CHRM5: variants seen among roughly 807,000 people sequenced by gnomAD.
The protein encoded by CHRM5 is muscarinic acetylcholine receptor M5.
Under a neutral mutation model 39.0 loss-of-function variants are expected in CHRM5, and 18 were observed. The observed-to-expected ratio is 0.46, with a 90% CI of 0.32 to 0.68. The LOEUF is 0.68. Among genes scored for constraint, CHRM5 ranks in the 30% least tolerant of loss-of-function variants. The pLI is 0.04. For synonymous variants in CHRM5, 241 were observed against 246.3 expected, an observed-to-expected ratio of 0.98 and a Z score of 0.20; for missense variants, 515 against 651.1, an observed-to-expected ratio of 0.79 and a Z score of 2.28.
rs748657230 is a variant in CHRM5, at chr15:33,987,102, T to A, written c.-408+17952T>A. 3.9e-4 allele frequency among the ~76,000 whole-genome samples: 60 copies of A among 152,226 alleles called. 1 individual carries two copies. The highest frequency in any genetic ancestry group is 4.7e-4 in the Non-Finnish European group (32 of 68,038). On this transcript the variant is annotated intron_variant, in intron 1 of 2. Coordinates refer to ENST00000383263, the MANE Select transcript of CHRM5 (RefSeq NM_012125.4). ...TTAAACAGTATATATTCATAATTCA[T>A]TAGCATTAATTCCATTCTCAGGTCA...
intron 1 of CHRM5, among the ~76,000 whole-genome samples, chr15:34,002,267 A>G (rs1272790937): frequency 6.6e-6 from 1 of 152,232 alleles, no homozygotes; most frequent in African/African-American, 2.4e-5. Context: ...GATACTAATC[A>G]GTGTCAGCAT....
intron 2 of CHRM5, among the ~76,000 whole-genome samples, chr15:34,047,147 G>A (rs1443847679): frequency 6.6e-6 from 1 of 150,938 alleles, no homozygotes; most frequent in African/African-American, 2.4e-5. Context: ...ACACGATCTC[G>A]GCTCACTGCA....
chr15:33,980,365 T>G (rs1388594734), intron 1 of CHRM5, among the ~76,000 whole-genome samples: 1 of 152,200 alleles, frequency 6.6e-6, no homozygotes, highest in African/African-American at 2.4e-5. Context: ...TGCAACAGCC[T>G]GCTCTAACGT....
chr15:34,025,741 TTTTGG>T (rs1439868260), intron 1 of CHRM5, among the ~76,000 whole-genome samples: 16 of 152,258 alleles, frequency 1.1e-4, no homozygotes, highest in African/African-American at 3.6e-4. Flanking sequence ...TGTGTTTTTG[TTTTGG>T]TTTGGTTTTG....
At chr15:33,987,312 A>G (rs1896520639) in intron 1 of CHRM5, among the ~76,000 whole-genome samples, 1 of 152,202 alleles carries the variant, frequency 6.6e-6, no homozygotes, top group South Asian at 2.1e-4. Context: ...CATTTGATAA[A>G]CTAAGATCAA....
rs1488035823 is a variant in CHRM5, at chr15:34,046,599, T to C, written c.-348T>C. ...AAATATGGTACATGGATCAGTAGCATCAAGAATACTCAGGAGCTTTTCAGA... is the reference window on the plus strand; with the variant it reads ...AAATATGGTACATGGATCAGTAGCACCAAGAATACTCAGGAGCTTTTCAGA... On this transcript the variant is annotated 5_prime_UTR_variant, in exon 2 of 3. Transcript: ENST00000383263. The C allele has an allele frequency of 6.6e-6, 1 of 152,140 alleles. No individual in the cohort carries two copies. The highest frequency in any genetic ancestry group is 1.5e-5 in the Non-Finnish European group (1 of 68,018). 9.4% of individuals were successfully genotyped at this position (152,140 alleles called of 1,614,324 possible).
chr15:34,042,789 G>A (rs1425072371), intron 1 of CHRM5, among the ~76,000 whole-genome samples: 1 of 152,032 alleles, frequency 6.6e-6, no homozygotes, highest in Non-Finnish European at 1.5e-5. Flanking sequence ...GCATCACCTG[G>A]GAACTTGTTA....
intron 1 of CHRM5, among the ~76,000 whole-genome samples, chr15:34,007,995 T>C (rs977881500): frequency 6.6e-6 from 1 of 152,246 alleles, no homozygotes; most frequent in Non-Finnish European, 1.5e-5. Flanking sequence ...GACCTTACTT[T>C]ATCTTTGATT....
rs112770455 is a variant in CHRM5 at position 33,982,032 on chromosome 15, C to CTT, written c.-408+12892_-408+12893dup. Among the ~76,000 whole-genome samples the CTT allele has an allele frequency of 4.6e-4, 66 of 144,822 alleles. 1 individual carries two copies. Among genetic ancestry groups the CTT allele is most frequent in the African/African-American group, 1.6e-3 (64 of 39,594 alleles). On this transcript the variant is annotated intron_variant, in intron 1 of 2. Coordinates refer to ENST00000383263, the MANE Select transcript of CHRM5 (RefSeq NM_012125.4). ...TGCCCTGCTAATTTTTGTATTTTTT[C>CTT]TTTTTTTTTTTATTAGTAGAGACAA...
chr15:34,000,231 C>T (rs1246210259), intron 1 of CHRM5, among the ~76,000 whole-genome samples: 1 of 152,204 alleles, frequency 6.6e-6, no homozygotes, highest in Non-Finnish European at 1.5e-5. Context: ...TAGCATTTAA[C>T]ATTTTATATA....
At chr15:33,986,357 C>G (rs911919098) in intron 1 of CHRM5, among the ~76,000 whole-genome samples, 4 of 151,992 alleles carry the variant, frequency 2.6e-5, no homozygotes, top group African/African-American at 9.7e-5. Flanking sequence ...GATCCACCCA[C>G]CTCGGCCTCC....
chr15:34,060,452 CTG>C (rs1900296563), intron 2 of CHRM5, among the ~76,000 whole-genome samples: 1 of 152,178 alleles, frequency 6.6e-6, no homozygotes, highest in Admixed American at 6.5e-5. Flanking sequence ...GCCAAGAAAA[CTG>C]TAGCCCTTTG....
At chr15:33,987,715 T>C (rs1439616038) in intron 1 of CHRM5, among the ~76,000 whole-genome samples, 2 of 152,196 alleles carry the variant, frequency 1.3e-5, no homozygotes, top group African/African-American at 2.4e-5. Context: ...GGCTTTTGTT[T>C]CAACTGCAAC....
chr15:34,050,217 A>G (rs1899885815), intron 2 of CHRM5, among the ~76,000 whole-genome samples: 1 of 152,136 alleles, frequency 6.6e-6, no homozygotes, highest in South Asian at 2.1e-4. Flanking sequence ...GAATGTCCAG[A>G]CCAGAATTTC....
At chr15:34,038,898 C>G in intron 1 of CHRM5, 2 of 1,123,234 alleles carry the variant, frequency 1.8e-6, no homozygotes, top group Non-Finnish European at 2.2e-6. Flanking sequence ...ACGGCCCCGG[C>G]GTCCGCCTCC....
intron 1 of CHRM5, among the ~76,000 whole-genome samples, chr15:34,001,802 T>A (rs1216576007): frequency 2.6e-5 from 4 of 152,192 alleles, no homozygotes; most frequent in African/African-American, 9.6e-5. Context: ...AGAGAATGCA[T>A]CACTTTATTG....
chr15:33,968,912 T>C lies in CHRM5; in HGVS notation c.-646T>C, dbSNP rs1440682963. 2 of 152,078 alleles carry C rather than the reference T, an allele frequency of 1.3e-5. No individual in the cohort carries two copies. The highest frequency in any genetic ancestry group is 3.8e-4 in the East Asian group (2 of 5,202). 9.4% of individuals were successfully genotyped at this position (152,078 alleles called of 1,614,324 possible). A position where few individuals can be genotyped will look rare whatever the true frequency, so the allele number is the denominator to read the frequency against. The stretch of plus-strand genomic sequence containing the variant: ...GATCAGATCAACTGCTGTTACCAGA[T>C]AAAGGCAAAACTCACCCTTCTGGTT... On this transcript the variant is annotated 5_prime_UTR_variant, in exon 1 of 3. Transcript: ENST00000383263.
rs566669918 is a variant in CHRM5, at chr15:34,015,396, A to G, written c.-407-31144A>G. ...ACTCGGGAGGCTGAGGCAGGAGAAT[A>G]GCGTGAACCCGGGAGGCGGAGCTTG... On this transcript the variant is annotated intron_variant, in intron 1 of 2. Transcript: ENST00000383263. 6.6e-4 allele frequency among the ~76,000 whole-genome samples: 100 copies of G among 152,064 alleles called. 2 individuals are homozygous for G. Among genetic ancestry groups the G allele is most frequent in the Middle Eastern group, 3.4e-3 (1 of 294 alleles).
At chr15:33,987,099 T>C (rs1209878854) in intron 1 of CHRM5, among the ~76,000 whole-genome samples, 1 of 152,230 alleles carries the variant, frequency 6.6e-6, no homozygotes, top group Non-Finnish European at 1.5e-5. Flanking sequence ...TATTCATAAT[T>C]CATTAGCATT....
Sources: gnomAD v4.1 joint callset for allele counts (sites outside exome capture counted in the v4.1 genomes callset) on GRCh38, gnomAD v4.1.1 for gene constraint, MANE v1.5 for transcripts, NCBI Gene and HGNC (gene_info 2026-07-23, HGNC 2026-07-21) for gene names.